The following CLPTM1L variants were observed in gnomAD, a reference collection of about 807,000 sequenced individuals.
CLPTM1L encodes CLPTM1 like, also known as lipid scramblase CLPTM1L.
In CLPTM1L, 38 loss-of-function variants were observed where a neutral mutation model predicts 70.9. The observed-to-expected ratio is 0.54, with a 90% CI of 0.41 to 0.70. The LOEUF is 0.70. Ranked by LOEUF, CLPTM1L falls within the 30% of genes least tolerant of loss-of-function variation. CLPTM1L has a pLI of 0.00. For missense variants in CLPTM1L, 652 were observed against 705.9 expected (o/e 0.92, Z 0.87); for synonymous variants, 339 against 299.9 (o/e 1.13, Z -1.35).
At position 1,318,371 on chromosome 5, in the gene CLPTM1L, A is replaced by G; in HGVS notation, c.1615T>C (p.Ter539ArgextTer16). 6.2e-7 allele frequency: 1 copy of G among 1,613,116 alleles called. No homozygotes were observed. Among genetic ancestry groups the G allele is most frequent in the Non-Finnish European group, 8.5e-7 (1 of 1,179,542 alleles). The change falls in exon 17 of 17, where the codon TGA becomes CGA. Residue 539 changes from the stop codon to arginine, a stop_lost. Coordinates refer to ENST00000320895, the MANE Select transcript of CLPTM1L (RefSeq NM_030782.5). The surrounding 1 kb of genome is among the most constrained non-coding windows in gnomAD (Gnocchi z 8.9). The part of the protein sequence containing the change: ...EKATRAPHTD[*>R] The stretch of plus-strand genomic sequence containing the variant: ...GCTGGCGGCAGCCCGGGCGGCCTTC[A>G]GTCCGTGTGGGGCGCCCGCGTGGCC...
At chr5:1,338,806 A>T in intron 4 of CLPTM1L, 54 bp downstream of exon 4, 1 of 1,604,818 alleles carries the variant, frequency 6.2e-7, no homozygotes, top group South Asian at 1.1e-5. Flanking sequence ...AGTTCTGGCC[A>T]GCCAGGGTCC....
chr5:1,321,322 AGGCACC>A (rs986982949), intron 15 of CLPTM1L, among the ~76,000 whole-genome samples: 3 of 152,232 alleles, frequency 2.0e-5, no homozygotes, highest in Admixed American at 2.0e-4. Context: ...CGTTGTCCCC[AGGCACC>A]GGTTACTGAG....
intron 4 of CLPTM1L, 183 bp from the exon 5 acceptor site, chr5:1,338,165 T>G: frequency 1.6e-6 from 1 of 614,274 alleles, no homozygotes. Context: ...TGACAACATA[T>G]GCACGCTTGT....
rs1226072792 is a variant in CLPTM1L, at chr5:1,325,803, T to A, written c.1094A>T (p.Lys365Met). 1 of 1,613,842 alleles carries A rather than the reference T, an allele frequency of 6.2e-7. No individual in the cohort carries two copies. The highest frequency in any genetic ancestry group is 1.3e-5 in the African/African-American group (1 of 74,954). Residue 365 changes from lysine to methionine, a missense_variant, in exon 10 of 17, where the codon AAG becomes ATG. Physicochemically the swap from Lys to Met is moderately conservative, Grantham distance 95. Coordinates refer to ENST00000320895, the MANE Select transcript of CLPTM1L (RefSeq NM_030782.5). ...VGAAIELWKV[K>M]KALKMTIFWR... ...AAAAATAGTCATCTTCAATGCCTTC[T>A]TCACTTTCCACAGCTGAGGGGAGAA...
intron 5 of CLPTM1L, 67 bp downstream of exon 5, chr5:1,337,837 C>G: frequency 7.9e-7 from 1 of 1,270,320 alleles, no homozygotes; most frequent in Non-Finnish European, 1.1e-6. Flanking sequence ...GGTGCAGGGG[C>G]TGCGGGGCCA....
At position 1,329,585 on chromosome 5, in the gene CLPTM1L, G is replaced by A. The variant is rs113276357; in HGVS notation, c.1080+695C>T. On this transcript the variant is annotated intron_variant, in intron 9 of 16. Coordinates refer to ENST00000320895, the MANE Select transcript of CLPTM1L (RefSeq NM_030782.5). Reference sequence around the variant, plus strand: ...TCAGGACTCTCTGCTTGGTGGACAGGGCCTCAGGACTCTCTGCCTGGTGGA... The same window carrying A: ...TCAGGACTCTCTGCTTGGTGGACAGAGCCTCAGGACTCTCTGCCTGGTGGA... Among the ~76,000 whole-genome samples, 22 of 107,582 alleles carry A rather than the reference G, an allele frequency of 2.0e-4. 1 individual carries two copies. The highest frequency in any genetic ancestry group is 4.8e-4 in the Admixed American group (5 of 10,422). 70.6% of individuals were successfully genotyped at this position (107,582 alleles called of 152,430 possible).
At chr5:1,329,904 A>C (rs1222163740) in intron 9 of CLPTM1L, among the ~76,000 whole-genome samples, 2 of 62,568 alleles carry the variant, frequency 3.2e-5, no homozygotes, top group African/African-American at 7.5e-5. Flanking sequence ...TGGTGGACAG[A>C]GCCTCAGGAC....
At chr5:1,320,785 A>G in intron 15 of CLPTM1L, 54 bp from the exon 16 acceptor site, 2 of 1,109,010 alleles carry the variant, frequency 1.8e-6, no homozygotes, top group Middle Eastern at 2.3e-4. Flanking sequence ...CTGGAATCCT[A>G]CTGTTTTTGG....
intron 1 of CLPTM1L, 37 bp downstream of exon 1, chr5:1,344,643 C>A (rs1754161403): frequency 6.5e-7 from 1 of 1,541,438 alleles, no homozygotes; most frequent in Middle Eastern, 2.1e-4. Flanking sequence ...AGGCCCCCAC[C>A]CCAACCCGCC....
chr5:1,338,072 G>A (rs1216557253), intron 4 of CLPTM1L, 90 bp from the exon 5 acceptor site: 2 of 1,072,402 alleles, frequency 1.9e-6, no homozygotes, highest in South Asian at 1.3e-5. Context: ...TTACCCCAGA[G>A]AAGTGCCCCC....
chr5:1,337,383 A>G (rs1230682319), intron 5 of CLPTM1L, among the ~76,000 whole-genome samples: 7 of 152,256 alleles, frequency 4.6e-5, no homozygotes, highest in African/African-American at 1.2e-4. Flanking sequence ...AGGGCGCCAG[A>G]GCCCAGAGAG....
intron 16 of CLPTM1L, chr5:1,320,283 G>A (rs1044670063): frequency 9.6e-6 from 2 of 207,826 alleles, no homozygotes; most frequent in Non-Finnish European, 9.5e-6. Context: ...GCCATGCTAC[G>A]GTCTCTGTTC....
At chr5:1,327,102 G>A (rs368304541) in intron 9 of CLPTM1L, among the ~76,000 whole-genome samples, 2 of 74,758 alleles carry the variant, frequency 2.7e-5, no homozygotes, top group East Asian at 4.3e-4. Flanking sequence ...GCTCCTCCTC[G>A]ACAGACACAT....
chr5:1,321,898 G>T, intron 13 of CLPTM1L, 79 bp from the exon 14 acceptor site: 1 of 1,357,512 alleles, frequency 7.4e-7, no homozygotes, highest in Non-Finnish European at 1.0e-6. Flanking sequence ...CTCACGAGGT[G>T]TGGAGGGCCG....
intron 8 of CLPTM1L, 69 bp downstream of exon 8, chr5:1,331,730 C>G: frequency 7.3e-7 from 1 of 1,374,306 alleles, no homozygotes; most frequent in South Asian, 1.2e-5. Context: ...GCAGGCAGCC[C>G]TCTACCGCAG....
chr5:1,337,064 C>A (rs532351700), intron 5 of CLPTM1L, among the ~76,000 whole-genome samples: 1 of 152,300 alleles, frequency 6.6e-6, no homozygotes, highest in Non-Finnish European at 1.5e-5. Flanking sequence ...GTGGCCGGCT[C>A]CTAGTGGGTG....
intron 4 of CLPTM1L, chr5:1,338,386 G>A (rs970711096): frequency 1.4e-5 from 4 of 282,502 alleles, no homozygotes; most frequent in African/African-American, 2.3e-5. Flanking sequence ...CCACCTGGGA[G>A]GCGGAGCTGT....
Position 1,322,694 on chromosome 5 carries a change from C to A in CLPTM1L, c.1315+183G>T, listed in dbSNP as rs1305649829. Reference sequence around the variant, plus strand: ...AACCAGTCACTGTTGTGAAGCCACGCAGGGCTTTATCTGCTCACAGCCTGG... The same window carrying A: ...AACCAGTCACTGTTGTGAAGCCACGAAGGGCTTTATCTGCTCACAGCCTGG... On this transcript the variant is annotated intron_variant, in intron 13 of 16. Coordinates refer to ENST00000320895, the MANE Select transcript of CLPTM1L (RefSeq NM_030782.5). 3 of 681,580 alleles carry A rather than the reference C, an allele frequency of 4.4e-6. No individual in the cohort carries two copies. In the East Asian group the frequency reaches 7.5e-5, roughly 17 times the overall value. 42.2% of individuals were successfully genotyped at this position (681,580 alleles called of 1,614,324 possible).
chr5:1,325,546 CG>C, intron 10 of CLPTM1L: 1 of 576,062 alleles, frequency 1.7e-6, no homozygotes, highest in Non-Finnish European at 3.1e-6. Flanking sequence ...GCACTGAAGA[CG>C]GTCAGAACTA....
Sources: allele counts gnomAD v4.1 joint callset (sites outside exome capture counted in the v4.1 genomes callset), GRCh38; gene constraint gnomAD v4.1.1; non-coding constraint Gnocchi (gnomAD v3.1); transcripts MANE v1.5; gene names NCBI Gene and HGNC (gene_info 2026-07-23, HGNC 2026-07-21).